SCFD2: variants seen among roughly 807,000 people sequenced by gnomAD.
SCFD2 encodes sec1 family domain containing 2.
A neutral mutation model predicts 58.9 loss-of-function variants in SCFD2; 54 were observed. That is an observed-to-expected ratio of 0.92 (90% CI 0.74 to 1.15). SCFD2 has a LOEUF of 1.15. Ranked by LOEUF, SCFD2 falls within the 50% of genes most tolerant of loss-of-function variation. SCFD2 has a pLI of 0.00. For synonymous variants in SCFD2, 321 were observed against 335.9 expected (o/e 0.96, Z 0.49); for missense variants, 805 against 836.6 (o/e 0.96, Z 0.47).
At chr4:53,122,958 T>C (rs1725523495) in intron 5 of SCFD2, among the ~76,000 whole-genome samples, 3 of 152,128 alleles carry the variant, frequency 2.0e-5, no homozygotes, top group South Asian at 2.1e-4. Flanking sequence ...GGCTTATTCA[T>C]ACAAAAAAAT....
chr4:52,902,390 C>T (rs1487879909), intron 7 of SCFD2, among the ~76,000 whole-genome samples: 1 of 152,236 alleles, frequency 6.6e-6, no homozygotes, highest in Non-Finnish European at 1.5e-5. Flanking sequence ...AAGAAGAGCA[C>T]TCAGCACTCT....
At chr4:52,882,052 G>A (rs1718625065) in intron 8 of SCFD2, among the ~76,000 whole-genome samples, 1 of 152,092 alleles carries the variant, frequency 6.6e-6, no homozygotes, top group Admixed American at 6.5e-5. Context: ...TTTTCTCTGA[G>A]CTGATCAGTC....
chr4:53,157,637 G>A (rs1241829790), intron 4 of SCFD2, among the ~76,000 whole-genome samples: 3 of 152,016 alleles, frequency 2.0e-5, no homozygotes, highest in Admixed American at 6.6e-5. Context: ...TGGAAATATG[G>A]TTACTCTTCA....
intron 5 of SCFD2, among the ~76,000 whole-genome samples, chr4:53,098,966 T>C (rs1045126159): frequency 1.3e-5 from 2 of 152,334 alleles, no homozygotes; most frequent in African/African-American, 2.4e-5. Flanking sequence ...CTATCAATCA[T>C]GTTTACTGTT....
chr4:52,932,296 T>A (rs1720016117), intron 5 of SCFD2, among the ~76,000 whole-genome samples: 1 of 152,240 alleles, frequency 6.6e-6, no homozygotes, highest in Non-Finnish European at 1.5e-5. Flanking sequence ...GAGTTTAACT[T>A]GTCTGCTAAT....
In SCFD2 at chr4:53,133,095, G is replaced by A. The variant is rs373327281; in HGVS notation, c.1561+12238C>T. On this transcript the variant is annotated intron_variant, in intron 5 of 8. Transcript: ENST00000401642. ...TGTAATCCCAGCACTTTGGGAGGCC[G>A]AGGCGGGTGGATCACAAGGTCAGGA... Among the ~76,000 whole-genome samples the A allele has an allele frequency of 1.6e-3, 239 of 152,168 alleles. 3 individuals are homozygous for A. In the South Asian group the frequency reaches 0.046, roughly 29 times the overall value.
intron 4 of SCFD2, among the ~76,000 whole-genome samples, chr4:53,160,041 C>T (rs1338172890): frequency 6.6e-6 from 1 of 152,180 alleles, no homozygotes; most frequent in African/African-American, 2.4e-5. Flanking sequence ...GGAACTATGG[C>T]ATGGGCTTCA....
At chr4:53,000,606 C>T (rs2148800189) in intron 5 of SCFD2, among the ~76,000 whole-genome samples, 1 of 152,340 alleles carries the variant, frequency 6.6e-6, no homozygotes, top group Middle Eastern at 3.4e-3. Flanking sequence ...AGTTCCCAGG[C>T]CATAGCGCCA....
At chr4:52,881,625 T>C (rs1222097838) in intron 8 of SCFD2, among the ~76,000 whole-genome samples, 1 of 152,210 alleles carries the variant, frequency 6.6e-6, no homozygotes, top group Non-Finnish European at 1.5e-5. Flanking sequence ...TGATTGCAAG[T>C]TCCTGTACGT....
intron 5 of SCFD2, among the ~76,000 whole-genome samples, chr4:52,973,600 G>T (rs1447869161): frequency 6.6e-6 from 1 of 152,190 alleles, no homozygotes; most frequent in African/African-American, 2.4e-5. Context: ...ACAAGGAGGA[G>T]CTGGTACCAT....
intron 5 of SCFD2, among the ~76,000 whole-genome samples, chr4:53,027,456 T>G (rs1439407784): frequency 6.6e-6 from 1 of 152,318 alleles, no homozygotes; most frequent in East Asian, 1.9e-4. Flanking sequence ...TTTGTTACTT[T>G]GGCAATTCTT....
chr4:52,884,130 C>A (rs1718681394), intron 8 of SCFD2, among the ~76,000 whole-genome samples: 1 of 152,190 alleles, frequency 6.6e-6, no homozygotes, highest in South Asian at 2.1e-4. Flanking sequence ...CAGCCTTTGT[C>A]CTCAAGGAAT....
At chr4:53,020,188 T>G (rs1318745605) in intron 5 of SCFD2, among the ~76,000 whole-genome samples, 1 of 152,230 alleles carries the variant, frequency 6.6e-6, no homozygotes, top group Non-Finnish European at 1.5e-5. Flanking sequence ...TTTTCTTCTC[T>G]GTAAAGCCTT....
At chr4:53,150,552 T>G (rs1286246492) in intron 4 of SCFD2, among the ~76,000 whole-genome samples, 1 of 152,254 alleles carries the variant, frequency 6.6e-6, no homozygotes, top group East Asian at 1.9e-4. Flanking sequence ...CTCCATAGAT[T>G]GAAAATGTTT....
chr4:53,055,975 C>T (rs1429903964), intron 5 of SCFD2, among the ~76,000 whole-genome samples: 2 of 152,138 alleles, frequency 1.3e-5, no homozygotes, highest in Non-Finnish European at 2.9e-5. Context: ...CAGCACTTAA[C>T]TGCAAAGGAA....
chr4:53,356,557 C>G (rs1734405633), intron 1 of SCFD2, among the ~76,000 whole-genome samples: 1 of 152,092 alleles, frequency 6.6e-6, no homozygotes, highest in African/African-American at 2.4e-5. Context: ...TCCTGAAGAG[C>G]TGGCACTACA....
intron 5 of SCFD2, among the ~76,000 whole-genome samples, chr4:52,933,785 A>G (rs1720059319): frequency 6.6e-6 from 1 of 152,194 alleles, no homozygotes; most frequent in Non-Finnish European, 1.5e-5. Context: ...GTGTCCCCCA[A>G]AAGTTCATGT....
At chr4:53,151,466 T>G (rs1726503505) in intron 4 of SCFD2, among the ~76,000 whole-genome samples, 1 of 152,170 alleles carries the variant, frequency 6.6e-6, no homozygotes, top group African/African-American at 2.4e-5. Flanking sequence ...CTGTAAAATA[T>G]GTGTTTTTTT....
intron 5 of SCFD2, among the ~76,000 whole-genome samples, chr4:53,087,615 G>A (rs1724346097): frequency 6.6e-6 from 1 of 151,358 alleles, no homozygotes; most frequent in South Asian, 2.1e-4. Flanking sequence ...TTACAGGCGT[G>A]AGCCACTGTG....
Sources: gnomAD v4.1 joint callset for allele counts (sites outside exome capture counted in the v4.1 genomes callset) on GRCh38, gnomAD v4.1.1 for gene constraint, MANE v1.5 for transcripts, NCBI Gene and HGNC (gene_info 2026-07-23, HGNC 2026-07-21) for gene names.